The following CTNNA3 variants were observed in gnomAD, a reference collection of about 807,000 sequenced individuals.
The protein encoded by CTNNA3 is catenin alpha 3.
Under a neutral mutation model 95.7 loss-of-function variants are expected in CTNNA3, and 76 were observed. That is an observed-to-expected ratio of 0.79 (90% CI 0.66 to 0.96). The LOEUF is 0.96. Ranked by LOEUF, CTNNA3 falls within the 40% of genes least tolerant of loss-of-function variation. CTNNA3 has a pLI of 0.00. For missense variants in CTNNA3, 1,191 were observed against 1,089.8 expected (o/e 1.09, Z -1.31); for synonymous variants, 431 against 374.4 (o/e 1.15, Z -1.74).
At chr10:66,996,107 G>T (rs551404572) in intron 7 of CTNNA3, among the ~76,000 whole-genome samples, 3 of 152,144 alleles carry the variant, frequency 2.0e-5, no homozygotes, top group South Asian at 4.2e-4. Flanking sequence ...ACTGAACTGT[G>T]GTTCATCTTA....
chr10:65,927,512 T>C lies in CTNNA3; in HGVS notation c.2401-6895A>G, dbSNP rs1183069751. Among the ~76,000 whole-genome samples, 3 of 152,150 alleles carry C rather than the reference T, an allele frequency of 2.0e-5. No individual in the cohort carries two copies. The East Asian group carries it at 5.8e-4, about 29-fold the overall frequency. On this transcript the variant is annotated intron_variant, in intron 17 of 17. Coordinates refer to ENST00000433211, the MANE Select transcript of CTNNA3 (RefSeq NM_013266.4). ...AGATCTGCTATAGAGCACCACAGAT[T>C]AGATGTATATTTTCTATAGTTGTAT... is the stretch of plus-strand genomic sequence containing the variant.
At chr10:67,698,260 AAGAG>A (rs1841004355), upstream of CTNNA3, among the ~76,000 whole-genome samples, 2 of 152,164 alleles carry the variant, frequency 1.3e-5, no homozygotes, top group South Asian at 4.1e-4. Context: ...AGAGAGAAAA[AAGAG>A]AGAGAATAAA....
In CTNNA3 at chr10:67,142,611, TA is replaced by T. The variant is rs748649999; in HGVS notation, c.1047+37705del. ...CTATTAAGTGTGCGGAGCATTATGC[TA>T]AAAAAAATGTACGTACCTTATTTTA... On this transcript the variant is annotated intron_variant, in intron 7 of 17. Coordinates refer to ENST00000433211, the MANE Select transcript of CTNNA3 (RefSeq NM_013266.4). Among the ~76,000 whole-genome samples the T allele has an allele frequency of 4.6e-5, 7 of 152,102 alleles. No homozygotes were observed. The East Asian group carries it at 9.7e-4, about 21-fold the overall frequency.
intron 10 of CTNNA3, among the ~76,000 whole-genome samples, chr10:66,577,112 G>A (rs1408505180): frequency 2.0e-5 from 3 of 150,544 alleles, no homozygotes; most frequent in African/African-American, 7.3e-5. Flanking sequence ...GTATTTGTTG[G>A]CCACATGTAT....
At chr10:67,726,532 ATT>A (rs1341818661) in intron 1 of CTNNA3, among the ~76,000 whole-genome samples, 1 of 61,864 alleles carries the variant, frequency 1.6e-5, no homozygotes, top group African/African-American at 7.3e-5. Flanking sequence ...TATTATATAT[ATT>A]ATTATATATT....
intron 6 of CTNNA3, among the ~76,000 whole-genome samples, chr10:67,217,558 T>C (rs1326897604): frequency 1.3e-5 from 2 of 152,182 alleles, no homozygotes; most frequent in South Asian, 2.1e-4. Context: ...GCCCTGCCTA[T>C]GCCCACTCCC....
intron 13 of CTNNA3, among the ~76,000 whole-genome samples, chr10:66,137,405 G>T (rs942575251): frequency 2.6e-5 from 4 of 152,074 alleles, no homozygotes; most frequent in African/African-American, 9.7e-5. Context: ...AAACAAAGTA[G>T]GAGGACTGTT....
intron 11 of CTNNA3, among the ~76,000 whole-genome samples, chr10:66,486,581 T>A (rs1223186838): frequency 6.6e-6 from 1 of 152,168 alleles, no homozygotes; most frequent in Non-Finnish European, 1.5e-5. Flanking sequence ...GGAAGCTTTG[T>A]ACACTGTTCG....
chr10:66,041,090 G>T lies in CTNNA3; in HGVS notation c.2159+28218C>A, dbSNP rs546098081. Among the ~76,000 whole-genome samples, 59 of 152,266 alleles carry T rather than the reference G, an allele frequency of 3.9e-4. 1 individual carries two copies. The highest frequency in any genetic ancestry group is 1.4e-3 in the African/African-American group (58 of 41,550). On this transcript the variant is annotated intron_variant, in intron 15 of 17. Coordinates refer to ENST00000433211, the MANE Select transcript of CTNNA3 (RefSeq NM_013266.4). ...CAGTAATAAGACATACTGACATGAT[G>T]TACTCCCTGATATATAGGCTGAGAA...
intron 7 of CTNNA3, among the ~76,000 whole-genome samples, chr10:67,012,092 C>T (rs1317314493): frequency 6.6e-6 from 1 of 152,200 alleles, no homozygotes; most frequent in African/African-American, 2.4e-5. Flanking sequence ...AGATACAAGT[C>T]AAACACAACT....
chr10:66,331,236 T>C (rs1317267078), intron 12 of CTNNA3, among the ~76,000 whole-genome samples: 1 of 151,860 alleles, frequency 6.6e-6, no homozygotes, highest in Non-Finnish European at 1.5e-5. Flanking sequence ...CTTGAATTAA[T>C]TTGTGTATAA....
intron 13 of CTNNA3, among the ~76,000 whole-genome samples, chr10:66,219,940 A>G (rs1219643801): frequency 2.0e-5 from 3 of 152,108 alleles, no homozygotes; most frequent in Non-Finnish European, 4.4e-5. Flanking sequence ...CCTGGTCAAC[A>G]TGGAGAAACC....
At chr10:66,661,817 G>C (rs1483677513) in intron 9 of CTNNA3, among the ~76,000 whole-genome samples, 1 of 152,130 alleles carries the variant, frequency 6.6e-6, no homozygotes, top group African/African-American at 2.4e-5. Flanking sequence ...TGTTCCCAGA[G>C]AGATGGCAAA....
At chr10:66,882,425 G>A (rs918030680) in intron 7 of CTNNA3, among the ~76,000 whole-genome samples, 2 of 152,096 alleles carry the variant, frequency 1.3e-5, no homozygotes, top group African/African-American at 4.8e-5. Context: ...TCAATTCAGA[G>A]ACAGAGCTTG....
chr10:66,857,885 A>T (rs1413791283), intron 7 of CTNNA3, among the ~76,000 whole-genome samples: 1 of 152,068 alleles, frequency 6.6e-6, no homozygotes, highest in Non-Finnish European at 1.5e-5. Context: ...TTCTATTTGG[A>T]TGTCTTTAAT....
At chr10:66,760,266 G>C (rs545555680) in intron 9 of CTNNA3, among the ~76,000 whole-genome samples, 37 of 152,154 alleles carry the variant, frequency 2.4e-4, no homozygotes, top group Admixed American at 1.7e-3. Flanking sequence ...ATATGTTACT[G>C]CCAGCTATAC....
rs913156235 is a variant in CTNNA3, at chr10:66,353,884, G to A, written c.1732+25268C>T. On this transcript the variant is annotated intron_variant, in intron 12 of 17. Transcript: ENST00000433211. Reference sequence around the variant, plus strand: ...TTGTTTTGTTTCACTATGCAAATGGGGAAAGAGTAAAAAAAAAAAAATTAA... The same window carrying A: ...TTGTTTTGTTTCACTATGCAAATGGAGAAAGAGTAAAAAAAAAAAAATTAA... Among the ~76,000 whole-genome samples, 40 of 104,386 alleles carry A rather than the reference G, an allele frequency of 3.8e-4. 1 individual carries two copies. The highest frequency in any genetic ancestry group is 5.3e-4 in the Non-Finnish European group (23 of 43,732). 68.5% of individuals were successfully genotyped at this position (104,386 alleles called of 152,430 possible). A position where few individuals can be genotyped will look rare whatever the true frequency, so the allele number is the denominator to read the frequency against.
intron 1 of CTNNA3, among the ~76,000 whole-genome samples, chr10:67,727,555 TATA>T (rs1440075001): frequency 7.7e-6 from 1 of 129,232 alleles, no homozygotes; most frequent in Admixed American, 9.2e-5. Context: ...ATAGATCATA[TATA>T]ATATATAATA....
At position 66,042,654 on chromosome 10, in the gene CTNNA3, C is replaced by T. The variant is rs140942582; in HGVS notation, c.2159+26654G>A. On this transcript the variant is annotated intron_variant, in intron 15 of 17. Transcript: ENST00000433211. ...GCAGCTCATGCCTCTAATCCCAGCACTTTGGGAGGCCGAGGCGGGTGGATC... is the reference window on the plus strand; with the variant it reads ...GCAGCTCATGCCTCTAATCCCAGCATTTTGGGAGGCCGAGGCGGGTGGATC... Among the ~76,000 whole-genome samples the T allele has an allele frequency of 1.9e-3, 287 of 151,976 alleles. 12 individuals are homozygous for T. The East Asian group carries it at 0.044, about 23-fold the overall frequency.
Sources: allele counts gnomAD v4.1 joint callset (sites outside exome capture counted in the v4.1 genomes callset), GRCh38; gene constraint gnomAD v4.1.1; transcripts MANE v1.5; gene names NCBI Gene and HGNC (gene_info 2026-07-23, HGNC 2026-07-21).